The following OTUD7A variants were observed in gnomAD, a reference collection of about 807,000 sequenced individuals.
The protein encoded by OTUD7A is OTU deubiquitinase 7A, also known as OTU domain-containing protein 7A.
A neutral mutation model predicts 65.7 loss-of-function variants in OTUD7A; 12 were observed. The ratio of observed to expected loss-of-function variants is 0.18; its 90% CI spans 0.12 to 0.30. OTUD7A has a LOEUF of 0.30. Among genes scored for constraint, OTUD7A ranks in the 10% least tolerant of loss-of-function variants. The probability of loss-of-function intolerance (pLI) is 1.00; values close to 1 mark genes in which losing one functional copy is unlikely to be tolerated. For missense variants in OTUD7A, 1,148 were observed against 1,304.8 expected (o/e 0.88, Z 1.85); for synonymous variants, 641 against 586.3 (o/e 1.09, Z -1.35).
intron 1 of OTUD7A, among the ~76,000 whole-genome samples, chr15:31,729,876 T>C (rs1482378050): frequency 6.6e-6 from 1 of 152,186 alleles, no homozygotes; most frequent in Non-Finnish European, 1.5e-5. Flanking sequence ...CTGCCCTTTG[T>C]CCTCCACTCT....
intron 1 of OTUD7A, among the ~76,000 whole-genome samples, chr15:31,711,048 G>A (rs1366257487): frequency 1.4e-5 from 2 of 145,738 alleles, no homozygotes; most frequent in Non-Finnish European, 3.0e-5. Flanking sequence ...TCATTCAGCT[G>A]AATTGATTGT....
chr15:31,478,886 C>G lies in OTUD7A; in HGVS notation c.*4408G>C, dbSNP rs2041068039. On this transcript the variant is annotated 3_prime_UTR_variant, in exon 13 of 13. Transcript: ENST00000307050. The stretch of plus-strand genomic sequence containing the variant: ...TGCTGGCCTCTCTATCGTGAACTAC[C>G]CAGGACCCACTCCCGAGTCAGTGAG... 6.6e-6 allele frequency: 1 copy of G among 152,404 alleles called. No homozygotes were observed. Among genetic ancestry groups the G allele is most frequent in the African/African-American group, 2.4e-5 (1 of 41,430 alleles). 9.4% of individuals were successfully genotyped at this position (152,404 alleles called of 1,614,324 possible). A position where few individuals can be genotyped will look rare whatever the true frequency, so the allele number is the denominator to read the frequency against.
chr15:31,631,766 T>A (rs1595671493), intron 3 of OTUD7A, among the ~76,000 whole-genome samples: 1 of 152,232 alleles, frequency 6.6e-6, no homozygotes, highest in African/African-American at 2.4e-5. Context: ...AGTCCCATAT[T>A]TCTTGGAGGC....
intron 1 of OTUD7A, among the ~76,000 whole-genome samples, chr15:31,690,331 T>G (rs1279199797): frequency 6.6e-6 from 1 of 152,106 alleles, no homozygotes; most frequent in African/African-American, 2.4e-5. Flanking sequence ...TATCTCTCAT[T>G]GGTCCTTTAT....
chr15:31,593,723 T>C (rs1481645744), intron 3 of OTUD7A, among the ~76,000 whole-genome samples: 1 of 152,124 alleles, frequency 6.6e-6, no homozygotes, highest in East Asian at 1.9e-4. Flanking sequence ...TTAGAAAATA[T>C]ATAATTTCAT....
intron 3 of OTUD7A, among the ~76,000 whole-genome samples, chr15:31,614,548 T>C (rs186785312): frequency 6.6e-6 from 1 of 151,872 alleles, no homozygotes; most frequent in African/African-American, 2.4e-5. Context: ...ATCTTCAGAG[T>C]TCAAAAATAA....
chr15:31,484,685 C>T lies in OTUD7A; in HGVS notation c.1411G>A (p.Gly471Arg), dbSNP rs762093336. ...AQPESPTASAGEDVQSLADSL... is the reference protein window; with the variant it reads ...AQPESPTASAREDVQSLADSL... ...TCGGCCAGGGACTGCACGTCCTCCC[C>T]TGCCGAGGCCGTGGGAGACTCCGGC... is the stretch of plus-strand genomic sequence containing the variant. Residue 471 changes from glycine to arginine, a missense_variant, in exon 13 of 13, where the codon GGG (glycine) becomes AGG (arginine). Gly to Arg is a moderately radical substitution (Grantham distance 125, BLOSUM62 -2). Transcript: ENST00000307050. This position sits in a 1 kb window ranked among gnomAD's most constrained non-coding sequence, Gnocchi z 4.5. 6.3e-7 allele frequency: 1 copy of T among 1,583,144 alleles called. No individual in the cohort carries two copies. The highest frequency in any genetic ancestry group is 8.6e-7 in the Non-Finnish European group (1 of 1,169,160).
At chr15:31,553,889 T>C (rs1595605614) in intron 5 of OTUD7A, among the ~76,000 whole-genome samples, 1 of 152,264 alleles carries the variant, frequency 6.6e-6, no homozygotes, top group South Asian at 2.1e-4. Context: ...AGCCAGAATC[T>C]GTCAGATGTG....
intron 1 of OTUD7A, among the ~76,000 whole-genome samples, chr15:31,735,741 T>C (rs1244216392): frequency 2.0e-5 from 3 of 152,196 alleles, no homozygotes; most frequent in South Asian, 2.1e-4. Flanking sequence ...AATCATTCTA[T>C]TGTAAAGGCA....
intron 1 of OTUD7A, among the ~76,000 whole-genome samples, chr15:31,756,985 T>C (rs910064653): frequency 3.3e-5 from 5 of 152,026 alleles, no homozygotes; most frequent in Admixed American, 3.3e-4. Context: ...AAGCAGGAGA[T>C]CTCTCCTGTC....
intron 3 of OTUD7A, among the ~76,000 whole-genome samples, chr15:31,629,425 G>T (rs1319912948): frequency 1.3e-5 from 2 of 152,182 alleles, no homozygotes; most frequent in East Asian, 3.8e-4. Context: ...AACCAGCCTT[G>T]CATCCCAGGG....
intron 1 of OTUD7A, among the ~76,000 whole-genome samples, chr15:31,834,603 G>T (rs1373755842): frequency 1.3e-5 from 2 of 152,176 alleles, no homozygotes; most frequent in Admixed American, 6.5e-5. Context: ...TGGATCTGGT[G>T]TCTCAAGGTG....
At chr15:31,847,756 T>C (rs1006060185) in intron 1 of OTUD7A, among the ~76,000 whole-genome samples, 3 of 152,188 alleles carry the variant, frequency 2.0e-5, no homozygotes, top group African/African-American at 7.2e-5. Flanking sequence ...AGAGGTTTAA[T>C]TGACTCACAG....
At chr15:31,561,629 T>C (rs921717956) in intron 4 of OTUD7A, among the ~76,000 whole-genome samples, 1 of 152,150 alleles carries the variant, frequency 6.6e-6, no homozygotes, top group South Asian at 2.1e-4. Context: ...ACATGAAATA[T>C]TTGGAGTTTG....
intron 1 of OTUD7A, among the ~76,000 whole-genome samples, chr15:31,757,389 C>T (rs940157787): frequency 6.6e-6 from 1 of 150,642 alleles, no homozygotes; most frequent in Non-Finnish European, 1.5e-5. Context: ...ATAAAGGGTT[C>T]TTGGCACAGA....
intron 1 of OTUD7A, among the ~76,000 whole-genome samples, chr15:31,807,055 C>T (rs573967094): frequency 1.4e-4 from 21 of 152,368 alleles, no homozygotes; most frequent in African/African-American, 5.0e-4. Flanking sequence ...TTGTAAGCCT[C>T]TGGGCTATTT....
rs2041081588 is a variant in OTUD7A at position 31,479,512 on chromosome 15, A to G, written c.*3782T>C. 6.6e-6 allele frequency: 1 copy of G among 152,254 alleles called. No homozygotes were observed. The highest frequency in any genetic ancestry group is 1.5e-5 in the Non-Finnish European group (1 of 68,050). The allele number at this position is 152,254 out of a possible 1,614,324, so 9.4% of individuals were successfully genotyped here. Reference sequence around the variant, plus strand: ...AAGACTCACATGGAATGGAACTTACACACATGGATTTGGAAAAGTCTGTTT... The same window carrying G: ...AAGACTCACATGGAATGGAACTTACGCACATGGATTTGGAAAAGTCTGTTT... On this transcript the variant is annotated 3_prime_UTR_variant, in exon 13 of 13. Transcript: ENST00000307050.
chr15:31,698,215 C>T (rs1893128452), intron 1 of OTUD7A, among the ~76,000 whole-genome samples: 1 of 152,272 alleles, frequency 6.6e-6, no homozygotes, highest in African/African-American at 2.4e-5. Context: ...CAAATTTTCA[C>T]ATCAAAGCTA....
At chr15:31,828,705 T>A (rs986886335) in intron 1 of OTUD7A, among the ~76,000 whole-genome samples, 2 of 152,174 alleles carry the variant, frequency 1.3e-5, no homozygotes, top group African/African-American at 4.8e-5. Context: ...ATCACCAATC[T>A]GTACTTTTTT....
Sources: gnomAD v4.1 joint callset for allele counts (sites outside exome capture counted in the v4.1 genomes callset) on GRCh38, gnomAD v4.1.1 for gene constraint, Gnocchi (gnomAD v3.1) non-coding constraint, MANE v1.5 for transcripts, NCBI Gene and HGNC (gene_info 2026-07-23, HGNC 2026-07-21) for gene names.